Variants in DCLK1 observed in about 807,000 individuals in gnomAD.
DCLK1 encodes the protein serine/threonine-protein kinase DCLK1.
In DCLK1, 16 loss-of-function variants were observed where a neutral mutation model predicts 86.2. That is an observed-to-expected ratio of 0.19 (90% confidence interval 0.13 to 0.28). The LOEUF is 0.28. Among genes scored for constraint, DCLK1 ranks in the 10% least tolerant of loss-of-function variants. The probability of loss-of-function intolerance (pLI) is 1.00; values close to 1 mark genes in which losing one functional copy is unlikely to be tolerated. For missense variants in DCLK1, 590 were observed against 940.2 expected (o/e 0.63, Z 4.87); for synonymous variants, 369 against 370.5 (o/e 1.00, Z 0.05).
intron 5 of DCLK1, among the ~76,000 whole-genome samples, chr13:35,865,729 T>C (rs1160682246): frequency 6.6e-6 from 1 of 152,158 alleles, no homozygotes; most frequent in African/African-American, 2.4e-5. Flanking sequence ...CATTAATAAA[T>C]CACTTTGAAC....
chr13:36,025,945 T>G (rs907067557), intron 3 of DCLK1, among the ~76,000 whole-genome samples: 4 of 152,130 alleles, frequency 2.6e-5, no homozygotes, highest in African/African-American at 9.7e-5. Context: ...TAATTAGGAC[T>G]TGATCTAGGA....
At chr13:35,970,644 C>T (rs1593779853) in intron 3 of DCLK1, among the ~76,000 whole-genome samples, 1 of 152,056 alleles carries the variant, frequency 6.6e-6, no homozygotes, top group African/African-American at 2.4e-5. Context: ...CTTTAAGGTG[C>T]CATCCTGGGA....
chr13:35,947,031 C>T (rs943530575), intron 4 of DCLK1, among the ~76,000 whole-genome samples: 9 of 152,028 alleles, frequency 5.9e-5, no homozygotes, highest in Non-Finnish European at 1.3e-4. Context: ...TGACAAATCC[C>T]TCAGCTAAAA....
chr13:35,919,962 A>G (rs1448617814), intron 4 of DCLK1, among the ~76,000 whole-genome samples: 1 of 152,072 alleles, frequency 6.6e-6, no homozygotes, highest in African/African-American at 2.4e-5. Flanking sequence ...CTTACGACAC[A>G]GCCGGCAAAT....
chr13:35,798,633 G>A lies in DCLK1; in HGVS notation c.1945-5154C>T, dbSNP rs561516234. Among the ~76,000 whole-genome samples the A allele has an allele frequency of 2.0e-5, 3 of 152,292 alleles. No individual in the cohort carries two copies. In the South Asian group the frequency reaches 6.2e-4, roughly 32 times the overall value. ...CTACAATTCACACTGCACTTTGGGA[G>A]AAAATGTAAGGCAAGTTGAGATTTA... On this transcript the variant is annotated intron_variant, in intron 15 of 16. Coordinates refer to ENST00000360631, the MANE Select transcript of DCLK1 (RefSeq NM_001330071.2).
At chr13:36,095,388 G>A (rs1884976433) in intron 3 of DCLK1, among the ~76,000 whole-genome samples, 2 of 151,768 alleles carry the variant, frequency 1.3e-5, no homozygotes, top group Admixed American at 6.6e-5. Context: ...TGCATTTTTA[G>A]TAGAGACGGG....
intron 14 of DCLK1, among the ~76,000 whole-genome samples, chr13:35,808,023 C>A (rs905523878): frequency 6.6e-5 from 10 of 152,198 alleles, no homozygotes; most frequent in African/African-American, 2.4e-4. Context: ...CAGATGGAGA[C>A]ACTTGATAAG....
chr13:35,976,745 G>C (rs536785859), intron 3 of DCLK1, among the ~76,000 whole-genome samples: 24 of 150,688 alleles, frequency 1.6e-4, no homozygotes, highest in Non-Finnish European at 2.4e-4. Flanking sequence ...CGTTTTAGCC[G>C]GGATGGTCTC....
chr13:35,822,926 G>A, intron 10 of DCLK1, 51 bp from the exon 11 acceptor site: 1 of 1,603,956 alleles, frequency 6.2e-7, no homozygotes, highest in East Asian at 2.2e-5. Context: ...GGGCCAGTGG[G>A]GCCACCTGCA....
rs2153096163 is a variant in DCLK1 at position 35,769,819 on chromosome 13, T to G, written c.*4716A>C. 1 of 152,310 alleles carries G rather than the reference T, an allele frequency of 6.6e-6. No individual in the cohort carries two copies. The highest frequency in any genetic ancestry group is 3.4e-3 in the Middle Eastern group (1 of 294). The allele number at this position is 152,310 out of a possible 1,614,324, so 9.4% of individuals were successfully genotyped here. Reference sequence around the variant, plus strand: ...GAACAGAAACAAATGCTGAAGAAATTTACAGGTATGATTTAATTTTAGAGA... The same window carrying G: ...GAACAGAAACAAATGCTGAAGAAATGTACAGGTATGATTTAATTTTAGAGA... On this transcript the variant is annotated 3_prime_UTR_variant, in exon 17 of 17. Coordinates refer to ENST00000360631, the MANE Select transcript of DCLK1 (RefSeq NM_001330071.2).
chr13:36,077,572 T>C (rs1268532089), intron 3 of DCLK1, among the ~76,000 whole-genome samples: 2 of 152,154 alleles, frequency 1.3e-5, no homozygotes, highest in Admixed American at 6.5e-5. Flanking sequence ...GCAGAAAATA[T>C]ATATATAAAG....
chr13:35,949,140 A>G (rs545933153), intron 3 of DCLK1, among the ~76,000 whole-genome samples: 1 of 152,348 alleles, frequency 6.6e-6, no homozygotes, highest in Non-Finnish European at 1.5e-5. Context: ...TTAACCCAAA[A>G]GAGGAGTATC....
chr13:36,104,868 C>A (rs893616146), intron 3 of DCLK1, among the ~76,000 whole-genome samples: 15 of 151,940 alleles, frequency 9.9e-5, no homozygotes, highest in Non-Finnish European at 2.1e-4. Flanking sequence ...GGAAACTATG[C>A]AAAATGACCA....
chr13:35,897,242 T>C (rs537404343), intron 4 of DCLK1, among the ~76,000 whole-genome samples: 63 of 152,298 alleles, frequency 4.1e-4, no homozygotes, highest in African/African-American at 1.4e-3. Flanking sequence ...AGACTTGATC[T>C]AAAACGATTT....
intron 3 of DCLK1, among the ~76,000 whole-genome samples, chr13:36,004,846 G>A (rs1397048593): frequency 6.6e-6 from 1 of 152,152 alleles, no homozygotes; most frequent in African/African-American, 2.4e-5. Context: ...CCAAAGTGCT[G>A]GGATTACAGG....
chr13:35,950,883 A>G (rs1201866579), intron 3 of DCLK1, among the ~76,000 whole-genome samples: 2 of 151,630 alleles, frequency 1.3e-5, no homozygotes, highest in Non-Finnish European at 2.9e-5. Flanking sequence ...TAACTTTCAA[A>G]CCCAGGCCTT....
At chr13:35,972,510 G>A (rs1429660795) in intron 3 of DCLK1, among the ~76,000 whole-genome samples, 1 of 152,102 alleles carries the variant, frequency 6.6e-6, no homozygotes, top group Non-Finnish European at 1.5e-5. Context: ...ATTTAAGATG[G>A]GGAGTCTGAT....
intron 3 of DCLK1, among the ~76,000 whole-genome samples, chr13:36,043,638 G>C (rs1882772597): frequency 6.6e-6 from 1 of 151,926 alleles, no homozygotes; most frequent in Non-Finnish European, 1.5e-5. Context: ...AGATCCTACG[G>C]GATGCCAGAA....
Position 35,772,415 on chromosome 13 carries a change from C to T in DCLK1, c.*2120G>A, listed in dbSNP as rs140690595. ...GTCTCTGCCCATTGCATTCTTCACA[C>T]TTTTAGAGTTGAGGCCAGGCTGTAG... On this transcript the variant is annotated 3_prime_UTR_variant, in exon 17 of 17. Coordinates refer to ENST00000360631, the MANE Select transcript of DCLK1 (RefSeq NM_001330071.2). The T allele has an allele frequency of 6.6e-6, 1 of 152,286 alleles. No homozygotes were observed. Among genetic ancestry groups the T allele is most frequent in the African/African-American group, 2.4e-5 (1 of 41,538 alleles). The allele number at this position is 152,286 out of a possible 1,614,324, so 9.4% of individuals were successfully genotyped here. A position where few individuals can be genotyped will look rare whatever the true frequency, so the allele number is the denominator to read the frequency against.
Sources: gnomAD v4.1 joint callset for allele counts (sites outside exome capture counted in the v4.1 genomes callset) on GRCh38, gnomAD v4.1.1 for gene constraint, MANE v1.5 for transcripts, NCBI Gene and HGNC (gene_info 2026-07-23, HGNC 2026-07-21) for gene names.